RPS6KC1: variants seen among roughly 807,000 people sequenced by gnomAD.
RPS6KC1 encodes ribosomal protein S6 kinase C1, also known as inactive ribosomal protein S6 kinase delta-1.
Under a neutral mutation model 103.8 loss-of-function variants are expected in RPS6KC1, and 54 were observed. That is an observed-to-expected ratio of 0.52 (90% confidence interval 0.42 to 0.65). RPS6KC1 has a LOEUF of 0.65. Among genes scored for constraint, RPS6KC1 ranks in the 30% least tolerant of loss-of-function variants. The probability of loss-of-function intolerance (pLI) is 0.00; values close to 1 mark genes in which losing one functional copy is unlikely to be tolerated. For synonymous variants in RPS6KC1, 439 were observed against 438.7 expected (o/e 1.00, Z -0.01); for missense variants, 1,151 against 1,253.8 (o/e 0.92, Z 1.24).
In RPS6KC1 at chr1:213,119,870, T is replaced by TCCTTGG. The variant is rs531242598; in HGVS notation, c.472+2460_472+2461insCCTTGG. ...TGCTAAAGGAGACACAACCTAAAGC[T>TCCTTGG]AGGGTGAGCATGTAGTTTATTCTCC... On this transcript the variant is annotated intron_variant, in intron 5 of 14. Transcript: ENST00000366960. Among the ~76,000 whole-genome samples the TCCTTGG allele has an allele frequency of 9.2e-3, 1,398 of 152,208 alleles. 41 individuals are homozygous for TCCTTGG. The highest frequency in any genetic ancestry group is 0.068 in the East Asian group (353 of 5,168).
At chr1:213,321,521 T>C in the RPS6KC1 span, among the ~76,000 whole-genome samples, 136 of 152,310 alleles carry the variant, frequency 8.9e-4, no homozygotes, top group Middle Eastern at 0.014. Flanking sequence ...AGGAGCAATA[T>C]TAGTATTGCT....
chr1:213,318,857 A>G, the RPS6KC1 span, among the ~76,000 whole-genome samples: 37 of 152,324 alleles, frequency 2.4e-4, no homozygotes, highest in South Asian at 7.7e-3. Context: ...TTGGGTAGGG[A>G]CACAGCCAAA....
At chr1:213,721,382 G>A in the RPS6KC1 span, among the ~76,000 whole-genome samples, 25 of 152,136 alleles carry the variant, frequency 1.6e-4, no homozygotes, top group Non-Finnish European at 3.1e-4. Flanking sequence ...CCCCCATACC[G>A]TTCTCGTGGT....
At chr1:213,343,816 AT>A in the RPS6KC1 span, among the ~76,000 whole-genome samples, 9 of 152,272 alleles carry the variant, frequency 5.9e-5, no homozygotes, top group South Asian at 2.1e-4. Flanking sequence ...AATAAAAAAA[AT>A]AAAAAAGTTT....
the RPS6KC1 span, among the ~76,000 whole-genome samples, chr1:213,544,225 G>T: frequency 1.3e-5 from 2 of 152,160 alleles, no homozygotes; most frequent in Non-Finnish European, 2.9e-5. Flanking sequence ...GAAAGTGAAG[G>T]CGAGAGAATC....
chr1:213,452,887 T>C, the RPS6KC1 span, among the ~76,000 whole-genome samples: 2 of 152,240 alleles, frequency 1.3e-5, no homozygotes, highest in African/African-American at 2.4e-5. Flanking sequence ...CCTTGTATGA[T>C]TTGTACAGGA....
the RPS6KC1 span, among the ~76,000 whole-genome samples, chr1:213,485,378 A>G: frequency 6.6e-6 from 1 of 151,948 alleles, no homozygotes; most frequent in Non-Finnish European, 1.5e-5. Flanking sequence ...TGCCCTGCAT[A>G]TGCTAAGAGT....
chr1:213,141,746 A>T (rs1389757342), intron 6 of RPS6KC1, among the ~76,000 whole-genome samples: 1 of 151,396 alleles, frequency 6.6e-6, no homozygotes, highest in Admixed American at 6.6e-5. Flanking sequence ...CTGACTTTTT[A>T]ATGTGGATGT....
At chr1:213,103,552 AC>A (rs898333325) in intron 3 of RPS6KC1, among the ~76,000 whole-genome samples, 25 of 152,144 alleles carry the variant, frequency 1.6e-4, no homozygotes, top group African/African-American at 6.0e-4. Context: ...CATGAGACAC[AC>A]TGGGCAGAGG....
chr1:213,825,492 T>C, the RPS6KC1 span, among the ~76,000 whole-genome samples: 4 of 152,202 alleles, frequency 2.6e-5, no homozygotes, highest in Non-Finnish European at 5.9e-5. Flanking sequence ...TACTGAGTTG[T>C]GACTGAGGTT....
intron 3 of RPS6KC1, among the ~76,000 whole-genome samples, chr1:213,078,914 C>G (rs2079603434): frequency 6.6e-6 from 1 of 151,944 alleles, no homozygotes; most frequent in South Asian, 2.1e-4. Context: ...AATATTTTGG[C>G]ATATTATTCT....
the RPS6KC1 span, among the ~76,000 whole-genome samples, chr1:213,383,933 G>C: frequency 6.6e-6 from 1 of 152,086 alleles, no homozygotes. Flanking sequence ...CCAGTCTATG[G>C]TATTTTGTTA....
chr1:213,692,717 A>G, the RPS6KC1 span, among the ~76,000 whole-genome samples: 3 of 152,104 alleles, frequency 2.0e-5, no homozygotes, highest in African/African-American at 7.2e-5. Context: ...AAACTCTGCA[A>G]TTTTGCCTCT....
chr1:213,338,132 T>C, the RPS6KC1 span, among the ~76,000 whole-genome samples: 1 of 152,284 alleles, frequency 6.6e-6, no homozygotes, highest in Admixed American at 6.5e-5. Flanking sequence ...TAATGTTAAA[T>C]AAATAATTAT....
chr1:213,291,162 A>G, the RPS6KC1 span, among the ~76,000 whole-genome samples: 1 of 152,208 alleles, frequency 6.6e-6, no homozygotes, highest in East Asian at 1.9e-4. Flanking sequence ...CCGGCAACTA[A>G]AAGGCCACAT....
In RPS6KC1 at chr1:213,241,916, A is replaced by T; in HGVS notation, c.2440A>T (p.Thr814Ser). ...TGAGTCAGCAGTAACTGCAAACAAC[A>T]CAGAAGAAAGCTTATTCCGTATTTG... is the stretch of plus-strand genomic sequence containing the variant. ...VVESAVTANN[T>S]EESLFRICSP... Residue 814 changes from threonine to serine, a missense_variant, in exon 11 of 15, where the codon ACA (threonine) becomes TCA (serine). Coordinates refer to ENST00000366960, the MANE Select transcript of RPS6KC1 (RefSeq NM_012424.6). 1 of 1,614,072 alleles carries T rather than the reference A, an allele frequency of 6.2e-7. No homozygotes were observed. The highest frequency in any genetic ancestry group is 8.5e-7 in the Non-Finnish European group (1 of 1,179,970).
the RPS6KC1 span, among the ~76,000 whole-genome samples, chr1:213,308,931 G>A: frequency 6.6e-6 from 1 of 152,242 alleles, no homozygotes; most frequent in African/African-American, 2.4e-5. Flanking sequence ...GTAGTGATTA[G>A]AGAACTGTTC....
chr1:213,715,960 T>C, the RPS6KC1 span, among the ~76,000 whole-genome samples: 1 of 144,160 alleles, frequency 6.9e-6, no homozygotes, highest in Non-Finnish European at 1.6e-5. Flanking sequence ...AACTGGTAAG[T>C]TTTAATTTTT....
intron 6 of RPS6KC1, among the ~76,000 whole-genome samples, chr1:213,140,515 A>G (rs546722892): frequency 5.9e-5 from 9 of 152,202 alleles, no homozygotes; most frequent in African/African-American, 2.2e-4. Flanking sequence ...TGCACCTTCG[A>G]TGAGTAGTTC....
Sources: allele counts gnomAD v4.1 joint callset (sites outside exome capture counted in the v4.1 genomes callset), GRCh38; gene constraint gnomAD v4.1.1; transcripts MANE v1.5; gene names NCBI Gene and HGNC (gene_info 2026-07-23, HGNC 2026-07-21).